Variants in DCP1B observed in about 807,000 individuals in gnomAD.
The protein encoded by DCP1B is mRNA-decapping enzyme 1B.
Under a neutral mutation model 60.5 loss-of-function variants are expected in DCP1B, and 47 were observed. The ratio of observed to expected loss-of-function variants is 0.78; its 90% CI spans 0.61 to 0.99. The LOEUF is 0.99. Ranked by LOEUF, DCP1B falls within the 50% of genes least tolerant of loss-of-function variation. The pLI is 0.00. For synonymous variants in DCP1B, 267 were observed against 280.3 expected (o/e 0.95, Z 0.47); for missense variants, 725 against 756.8 (o/e 0.96, Z 0.49).
intron 3 of DCP1B, among the ~76,000 whole-genome samples, chr12:1,979,756 T>C (rs1170839358): frequency 1.3e-5 from 2 of 152,260 alleles, no homozygotes; most frequent in Non-Finnish European, 2.9e-5. Flanking sequence ...AAAGTTTCCA[T>C]TGCTCCACAT....
At position 1,949,230 on chromosome 12, in the gene DCP1B, G is replaced by T. The variant is rs149253407; in HGVS notation, c.1629C>A (p.Ser543Arg). Residue 543 changes from serine to arginine, a missense_variant, in exon 8 of 9, where the codon AGC (serine) becomes AGA (arginine). Transcript: ENST00000280665. ...PTSVPPKERESGLLPVGGQEP... is the reference protein window; with the variant it reads ...PTSVPPKERERGLLPVGGQEP... ...CCTGGCCTCCCACAGGCAAGAGGCCGCTCTCCCTTTCCTTTGGCGGGACGG... is the reference window on the plus strand; with the variant it reads ...CCTGGCCTCCCACAGGCAAGAGGCCTCTCTCCCTTTCCTTTGGCGGGACGG... 1.9e-6 allele frequency: 3 copies of T among 1,614,166 alleles called. No individual in the cohort carries two copies. The South Asian group carries it at 3.3e-5, about 18-fold the overall frequency.
At position 1,948,376 on chromosome 12, in the gene DCP1B, C is replaced by T. The variant is rs2240609; in HGVS notation, c.1773+710G>A. Reference sequence around the variant, plus strand: ...CGAGCTCCGTGCCTCAGGCCAGTTGCTCAGCCTCAGTTTCCTTGTCTGTAG... The same window carrying T: ...CGAGCTCCGTGCCTCAGGCCAGTTGTTCAGCCTCAGTTTCCTTGTCTGTAG... On this transcript the variant is annotated intron_variant, in intron 8 of 8. Transcript: ENST00000280665. The surrounding 1 kb of genome is among the most constrained non-coding windows in gnomAD (Gnocchi z 4.8). 0.48 allele frequency among the ~76,000 whole-genome samples: 73,192 copies of T among 152,036 alleles called. 17,844 individuals are homozygous for T. Among genetic ancestry groups the T allele is most frequent in the East Asian group, 0.73 (3,774 of 5,166 alleles).
intron 3 of DCP1B, chr12:1,993,051 T>C: frequency 1.4e-6 from 1 of 704,528 alleles, no homozygotes; most frequent in South Asian, 1.7e-5. Flanking sequence ...TTTAGGTTTA[T>C]ATCATCATAT....
In DCP1B at chr12:1,948,193, G is replaced by A. The variant is rs548563834; in HGVS notation, c.1773+893C>T. Among the ~76,000 whole-genome samples the A allele has an allele frequency of 1.4e-4, 21 of 152,336 alleles. No individual in the cohort carries two copies. The highest frequency in any genetic ancestry group is 1.2e-4 in the African/African-American group (5 of 41,584). On this transcript the variant is annotated intron_variant, in intron 8 of 8. Transcript: ENST00000280665. This position sits in a 1 kb window ranked among gnomAD's most constrained non-coding sequence, Gnocchi z 4.8. ...AATGTTCCACTTTTCAAGGACTGCC[G>A]TTGATTTCTTGGGTGTGCTTTGCTA...
intron 5 of DCP1B, among the ~76,000 whole-genome samples, chr12:1,957,886 C>T (rs1474913756): frequency 6.6e-6 from 1 of 152,256 alleles, no homozygotes; most frequent in East Asian, 1.9e-4. Context: ...GATAGCTCAA[C>T]ATTTTTCCTA....
intron 2 of DCP1B, 47 bp from the exon 3 acceptor site, chr12:1,993,438 A>T (rs1196148848): frequency 6.3e-7 from 1 of 1,589,918 alleles, no homozygotes; most frequent in Non-Finnish European, 8.6e-7. Context: ...CAAATTGCTT[A>T]GTATGCTATA....
intron 1 of DCP1B, 97 bp downstream of exon 1, chr12:2,004,185 G>T: frequency 1.3e-6 from 2 of 1,528,650 alleles, no homozygotes; most frequent in East Asian, 2.4e-5. Context: ...GGGCGTCAAC[G>T]TCTCCTCCCC....
In DCP1B at chr12:1,946,212, A is replaced by C. The variant is rs1184825450; in HGVS notation, c.1848T>G (p.Thr616=). ...GTTTTAAAAGGCCTTGCTGTCACAT[A>C]GTCTTTTTCATGGCTGCTTGAGTCA... ...FSMTQAAMKK[T]M The change falls in exon 9 of 9, where the codon ACT becomes ACG. Residue 616 remains threonine (T), a synonymous_variant. Transcript: ENST00000280665. The C allele has an allele frequency of 6.2e-7, 1 of 1,601,262 alleles. No homozygotes were observed. The highest frequency in any genetic ancestry group is 8.5e-7 in the Non-Finnish European group (1 of 1,174,904).
chr12:1,962,099 G>A lies in DCP1B; in HGVS notation c.522+3459C>T, dbSNP rs539383297. Among the ~76,000 whole-genome samples, 82 of 152,176 alleles carry A rather than the reference G, an allele frequency of 5.4e-4. No individual in the cohort carries two copies. The highest frequency in any genetic ancestry group is 9.8e-4 in the Non-Finnish European group (67 of 68,038). ...TAGAGCATTTACTGAATTTCCTCAA[G>A]GAAGGCAAGGCAGGGCATGGTAAAC... On this transcript the variant is annotated intron_variant, in intron 5 of 8. Transcript: ENST00000280665. The surrounding 1 kb of genome is among the most constrained non-coding windows in gnomAD (Gnocchi z 4.4).
At chr12:1,974,847 G>A (rs138575716) in intron 3 of DCP1B, among the ~76,000 whole-genome samples, 5 of 152,204 alleles carry the variant, frequency 3.3e-5, no homozygotes, top group Admixed American at 2.6e-4. Context: ...TATAATCGCA[G>A]TTTTTGAGAA....
Position 1,972,418 on chromosome 12 carries a change from G to A in DCP1B, c.320-4508C>T, listed in dbSNP as rs532382437. 8.5e-4 allele frequency among the ~76,000 whole-genome samples: 130 copies of A among 152,168 alleles called. 1 individual carries two copies. Among genetic ancestry groups the A allele is most frequent in the African/African-American group, 2.9e-3 (119 of 41,524 alleles). ...AATCTGACCACATTGATGATGACTC[G>A]TTACTAGCATATGGTAGTACACATG... is the stretch of plus-strand genomic sequence containing the variant. On this transcript the variant is annotated intron_variant, in intron 3 of 8. Coordinates refer to ENST00000280665, the MANE Select transcript of DCP1B (RefSeq NM_152640.5).
At chr12:1,997,272 T>C (rs2041161739) in intron 2 of DCP1B, among the ~76,000 whole-genome samples, 1 of 152,216 alleles carries the variant, frequency 6.6e-6, no homozygotes. Flanking sequence ...CTCACGCCTG[T>C]AATCCCAGCA....
At chr12:1,993,064 A>G in intron 3 of DCP1B, 200 bp downstream of exon 3, 1 of 746,190 alleles carries the variant, frequency 1.3e-6, no homozygotes, top group Non-Finnish European at 2.3e-6. Flanking sequence ...CATCATATTT[A>G]TATTCACTTA....
chr12:1,971,133 C>A lies in DCP1B; in HGVS notation c.320-3223G>T, dbSNP rs565973402. 2 of 1,288,996 alleles carry A rather than the reference C, an allele frequency of 1.6e-6. No individual in the cohort carries two copies. The highest frequency in any genetic ancestry group is 4.6e-5 in the Admixed American group (2 of 43,556). The allele number at this position is 1,288,996 out of a possible 1,614,324, so 79.8% of individuals were successfully genotyped here. A position where few individuals can be genotyped will look rare whatever the true frequency, so the allele number is the denominator to read the frequency against. ...CTTCCCAGCCACCTGTCTGCCAACA[C>A]GGAGGTCAAGTTTAAGGGTACTTTG... On this transcript the variant is annotated intron_variant, in intron 3 of 8. Coordinates refer to ENST00000280665, the MANE Select transcript of DCP1B (RefSeq NM_152640.5). This position sits in a 1 kb window ranked among gnomAD's most constrained non-coding sequence, Gnocchi z 4.2.
chr12:1,982,190 T>A (rs1305899714), intron 3 of DCP1B, among the ~76,000 whole-genome samples: 1 of 152,154 alleles, frequency 6.6e-6, no homozygotes, highest in Non-Finnish European at 1.5e-5. Flanking sequence ...CTGGATTCAA[T>A]TTGCTAGTAT....
chr12:1,998,075 A>G (rs111804569), intron 1 of DCP1B, 100 bp from the exon 2 acceptor site: 2 of 987,614 alleles, frequency 2.0e-6, no homozygotes, highest in African/African-American at 3.4e-5. Context: ...TATAACTTCA[A>G]TGGGCCAAAT....
intron 7 of DCP1B, among the ~76,000 whole-genome samples, chr12:1,949,607 AT>A (rs1018119890): frequency 2.6e-5 from 4 of 152,144 alleles, no homozygotes; most frequent in African/African-American, 9.7e-5. Flanking sequence ...GGCTACCAGT[AT>A]TTGGCAAGTG....
At chr12:1,964,180 T>G (rs745485570) in intron 5 of DCP1B, among the ~76,000 whole-genome samples, 75 of 152,212 alleles carry the variant, frequency 4.9e-4, no homozygotes, top group Non-Finnish European at 9.8e-4. Context: ...GAAGTCACTC[T>G]AATTTTTTTT....
chr12:1,981,077 T>G (rs1442620732), intron 3 of DCP1B, among the ~76,000 whole-genome samples: 1 of 152,234 alleles, frequency 6.6e-6, no homozygotes, highest in African/African-American at 2.4e-5. Context: ...TTCCTTGAAC[T>G]ATTAAATTTC....
Sources: allele counts gnomAD v4.1 joint callset (sites outside exome capture counted in the v4.1 genomes callset), GRCh38; gene constraint gnomAD v4.1.1; non-coding constraint Gnocchi (gnomAD v3.1); transcripts MANE v1.5; gene names NCBI Gene and HGNC (gene_info 2026-07-23, HGNC 2026-07-21).